The following TNS3 variants were observed in gnomAD, a reference collection of about 807,000 sequenced individuals.
TNS3 encodes tensin 3.
A neutral mutation model predicts 140.9 loss-of-function variants in TNS3; 45 were observed. The observed-to-expected ratio is 0.32, with a 90% confidence interval of 0.25 to 0.41. The LOEUF (loss-of-function observed/expected upper bound fraction) is 0.41. Ranked by LOEUF, TNS3 falls within the 10% of genes least tolerant of loss-of-function variation. The pLI is 1.00. For synonymous variants in TNS3, 815 were observed against 788.4 expected (o/e 1.03, Z -0.56); for missense variants, 1,716 against 1,906.7 (o/e 0.90, Z 1.86).
intron 23 of TNS3, among the ~76,000 whole-genome samples, chr7:47,299,255 A>C (rs2150679915): frequency 6.6e-6 from 1 of 152,254 alleles, no homozygotes. Flanking sequence ...CTCCCACCTC[A>C]GCTTCCTGAG....
intron 3 of TNS3, among the ~76,000 whole-genome samples, chr7:47,505,839 G>T (rs1415042299): frequency 6.6e-6 from 1 of 152,224 alleles, no homozygotes; most frequent in Non-Finnish European, 1.5e-5. Context: ...GCATGCACAT[G>T]TGTGTATTTA....
chr7:47,439,147 T>C (rs1165557933), intron 6 of TNS3, among the ~76,000 whole-genome samples: 1 of 152,186 alleles, frequency 6.6e-6, no homozygotes, highest in Non-Finnish European at 1.5e-5. Context: ...AGTTTGTCTC[T>C]TGATACGAGG....
chr7:47,437,886 C>A (rs1276160398), intron 6 of TNS3, among the ~76,000 whole-genome samples: 2 of 150,836 alleles, frequency 1.3e-5, no homozygotes, highest in Non-Finnish European at 3.0e-5. Flanking sequence ...AGAGGTGGTA[C>A]ATGGTGGGGA....
intron 20 of TNS3, among the ~76,000 whole-genome samples, chr7:47,315,127 C>G (rs1407696488): frequency 1.3e-5 from 2 of 152,274 alleles, no homozygotes; most frequent in Admixed American, 6.5e-5. Flanking sequence ...GGGCCCTGAA[C>G]AGACGCTCCT....
At chr7:47,501,067 G>A (rs1193053899) in intron 3 of TNS3, among the ~76,000 whole-genome samples, 2 of 151,820 alleles carry the variant, frequency 1.3e-5, no homozygotes, top group African/African-American at 2.4e-5. Context: ...CCCGGGTGAC[G>A]GAGGGAAGAA....
intron 16 of TNS3, among the ~76,000 whole-genome samples, chr7:47,381,232 C>T (rs545926396): frequency 6.6e-5 from 10 of 152,206 alleles, no homozygotes; most frequent in Non-Finnish European, 1.2e-4. Flanking sequence ...AGTAACCAGG[C>T]GGAAAATCTT....
At chr7:47,439,746 T>C in intron 5 of TNS3, 88 bp from the exon 6 acceptor site, 4 of 1,395,186 alleles carry the variant, frequency 2.9e-6, no homozygotes, top group Non-Finnish European at 3.9e-6. Flanking sequence ...CGACGGACAC[T>C]CATCCCCTGG....
At chr7:47,550,691 G>T (rs949807678) in intron 1 of TNS3, among the ~76,000 whole-genome samples, 1 of 152,220 alleles carries the variant, frequency 6.6e-6, no homozygotes, top group African/African-American at 2.4e-5. Flanking sequence ...TGGAAGGGCA[G>T]GGTACAGAAT....
intron 5 of TNS3, among the ~76,000 whole-genome samples, chr7:47,440,470 G>A (rs1220821514): frequency 6.6e-6 from 1 of 152,192 alleles, no homozygotes; most frequent in Non-Finnish European, 1.5e-5. Flanking sequence ...CCCCAAGTGT[G>A]AGATGAAGAC....
At chr7:47,526,690 A>C (rs949839598) in intron 2 of TNS3, among the ~76,000 whole-genome samples, 1 of 152,172 alleles carries the variant, frequency 6.6e-6, no homozygotes, top group Non-Finnish European at 1.5e-5. Context: ...GGACGTCATC[A>C]CAGGGTAAGG....
At chr7:47,379,334 T>C (rs1791608259) in intron 16 of TNS3, among the ~76,000 whole-genome samples, 1 of 152,258 alleles carries the variant, frequency 6.6e-6, no homozygotes. Context: ...TGTGGACATT[T>C]ATAATTAGAG....
At chr7:47,555,898 T>G (rs763809821) in intron 1 of TNS3, among the ~76,000 whole-genome samples, 1 of 152,232 alleles carries the variant, frequency 6.6e-6, no homozygotes, top group Non-Finnish European at 1.5e-5. Context: ...ATTGCAATGG[T>G]CCAGTTGGCA....
chr7:47,520,815 T>C (rs913187105), intron 2 of TNS3, among the ~76,000 whole-genome samples: 2 of 152,330 alleles, frequency 1.3e-5, no homozygotes, highest in East Asian at 1.9e-4. Context: ...ATGGGAGGGC[T>C]GAGCTCAGTT....
At chr7:47,497,606 A>G (rs1400613429) in intron 3 of TNS3, among the ~76,000 whole-genome samples, 1 of 151,752 alleles carries the variant, frequency 6.6e-6, no homozygotes, top group Non-Finnish European at 1.5e-5. Flanking sequence ...CTGTTCTCCC[A>G]AAGAGGCCAG....
At chr7:47,408,377 C>T (rs1020834529) in intron 13 of TNS3, among the ~76,000 whole-genome samples, 1 of 152,068 alleles carries the variant, frequency 6.6e-6, no homozygotes, top group Non-Finnish European at 1.5e-5. Context: ...CATGTAATGT[C>T]TACTCAGACC....
intron 1 of TNS3, among the ~76,000 whole-genome samples, chr7:47,580,559 T>C (rs1400406560): frequency 1.2e-5 from 1 of 85,224 alleles, no homozygotes; most frequent in African/African-American, 4.8e-5. Context: ...TGCACCTCCA[T>C]CTCTGTGTAA....
At chr7:47,370,302 A>T (rs1168297761) in intron 16 of TNS3, among the ~76,000 whole-genome samples, 1 of 152,192 alleles carries the variant, frequency 6.6e-6, no homozygotes, top group Non-Finnish European at 1.5e-5. Context: ...AAAGAAAAAA[A>T]CTGAATGTCT....
At chr7:47,298,907 C>T (rs1346659726) in intron 23 of TNS3, among the ~76,000 whole-genome samples, 3 of 152,220 alleles carry the variant, frequency 2.0e-5, no homozygotes, top group Admixed American at 2.0e-4. Context: ...AAACAGCACG[C>T]AGTGGGAAGG....
chr7:47,361,140 T>C (rs140530543), intron 17 of TNS3, among the ~76,000 whole-genome samples: 195 of 138,888 alleles, frequency 1.4e-3, no homozygotes, highest in African/African-American at 5.1e-3. Flanking sequence ...TCTGGGACCC[T>C]AATAGAGCTC....
Sources: gnomAD v4.1 joint callset for allele counts (sites outside exome capture counted in the v4.1 genomes callset) on GRCh38, gnomAD v4.1.1 for gene constraint, MANE v1.5 for transcripts, NCBI Gene and HGNC (gene_info 2026-07-23, HGNC 2026-07-21) for gene names.